DIP2A: variants seen among roughly 807,000 people sequenced by gnomAD.
DIP2A encodes the protein DIP2 acetate--CoA ligase A.
DIP2A carries 85 observed loss-of-function variants against 177.4 expected under a neutral mutation model. That is an observed-to-expected ratio of 0.48 (90% CI 0.40 to 0.57). The LOEUF (loss-of-function observed/expected upper bound fraction) is 0.57. DIP2A is among the 20% of genes least tolerant of loss of function. The probability of loss-of-function intolerance (pLI) is 0.00; values close to 1 mark genes in which losing one functional copy is unlikely to be tolerated. For missense variants in DIP2A, 1,791 were observed against 2,100.2 expected, an observed-to-expected ratio of 0.85 and a Z score of 2.88; for synonymous variants, 886 against 881.8, an observed-to-expected ratio of 1.00 and a Z score of -0.08.
At chr21:46,466,511 G>A (rs929467304) in intron 1 of DIP2A, among the ~76,000 whole-genome samples, 1 of 151,846 alleles carries the variant, frequency 6.6e-6, no homozygotes, top group African/African-American at 2.4e-5. Context: ...ACCATGCCTG[G>A]CTAATTTTTG....
intron 9 of DIP2A, among the ~76,000 whole-genome samples, chr21:46,530,396 G>A (rs1024361386): frequency 3.3e-5 from 5 of 152,170 alleles, no homozygotes; most frequent in African/African-American, 1.2e-4. Context: ...AAAGAAAAGG[G>A]AAGGGAAGAG....
At chr21:46,504,222 A>G (rs947029349) in intron 5 of DIP2A, 139 bp from the exon 6 acceptor site, 1 of 1,240,790 alleles carries the variant, frequency 8.1e-7, no homozygotes, top group Non-Finnish European at 1.1e-6. Context: ...CAGCCAAGAA[A>G]ACAAATTAAT....
chr21:46,501,340 T>A (rs1342720828), intron 5 of DIP2A, among the ~76,000 whole-genome samples: 1 of 152,192 alleles, frequency 6.6e-6, no homozygotes, highest in Admixed American at 6.5e-5. Context: ...GCAGTACTTT[T>A]AATTATAGTA....
At chr21:46,509,944 C>T (rs1405463094) in intron 7 of DIP2A, among the ~76,000 whole-genome samples, 3 of 152,168 alleles carry the variant, frequency 2.0e-5, no homozygotes, top group Non-Finnish European at 4.4e-5. Flanking sequence ...CCCAGAGTCT[C>T]CTCCACACCC....
chr21:46,487,001 G>A (rs1193260430), intron 2 of DIP2A, among the ~76,000 whole-genome samples: 3 of 152,112 alleles, frequency 2.0e-5, no homozygotes, highest in South Asian at 2.1e-4. Context: ...ACGCCAAACC[G>A]ATCTGTTAAT....
rs1260685078 is a variant in DIP2A at position 46,459,197 on chromosome 21, TGAGCTG to T, written c.79_84del (p.Glu27_Leu28del). The T allele has an allele frequency of 2.0e-6, 3 of 1,525,780 alleles. No homozygotes were observed. Among genetic ancestry groups the T allele is most frequent in the South Asian group, 1.2e-5 (1 of 82,234 alleles). 94.5% of individuals were successfully genotyped at this position (1,525,780 alleles called of 1,614,324 possible). The stretch of plus-strand genomic sequence containing the variant: ...CTGCCGAGGTGCGGGAGAGCCTGGC[TGAGCTG>T]GAGCTGGAGCTGTCGGAAGGTGAGC... On this transcript the variant is annotated inframe_deletion, in exon 1 of 38. Coordinates refer to ENST00000417564, the MANE Select transcript of DIP2A (RefSeq NM_015151.4).
chr21:46,516,060 T>G (rs2058560122), intron 8 of DIP2A, among the ~76,000 whole-genome samples: 1 of 152,168 alleles, frequency 6.6e-6, no homozygotes, highest in South Asian at 2.1e-4. Context: ...AAGATATTGT[T>G]TATAGGCTTT....
chr21:46,490,654 C>T lies in DIP2A; in HGVS notation c.218C>T (p.Thr73Met), dbSNP rs776355835. ...AGAATTCCTGGGCCCTCACAAACCA[C>T]GGCCGCTGCACCCAAGCAGCAGAAG... ...ENRIPGPSQTTAAAPKQQKSR... is the reference protein window; with the variant it reads ...ENRIPGPSQTMAAAPKQQKSR... The change falls in exon 3 of 38, where the codon ACG becomes ATG. Residue 73 changes from threonine (T) to methionine (M), a missense_variant. Coordinates refer to ENST00000417564, the MANE Select transcript of DIP2A (RefSeq NM_015151.4). 15 of 1,589,156 alleles carry T rather than the reference C, an allele frequency of 9.4e-6. No homozygotes were observed. The highest frequency in any genetic ancestry group is 2.3e-5 in the East Asian group (1 of 43,744).
rs1333958107 is a variant in DIP2A, at chr21:46,563,896, G to A, written c.4128G>A (p.Glu1376=). ...PGVKVIIAHT[E]TKGPLGDSHL... ...TGAAGGTCATCATCGCACACACCGA[G>A]ACCAAAGGACCCTTGGGAGACTCAC... Residue 1376 remains glutamate (E), a synonymous_variant, in exon 35 of 38, where the codon GAG becomes GAA. Transcript: ENST00000417564. The surrounding 1 kb of genome is among the most constrained non-coding windows in gnomAD (Gnocchi z 4.3). The A allele has an allele frequency of 1.9e-6, 3 of 1,613,542 alleles. No individual in the cohort carries two copies. Among genetic ancestry groups the A allele is most frequent in the African/African-American group, 1.3e-5 (1 of 74,866 alleles).
Position 46,563,802 on chromosome 21 carries a change from A to G in DIP2A, c.4090-56A>G. On this transcript the variant is annotated intron_variant, in intron 34 of 37. Transcript: ENST00000417564. This position sits in a 1 kb window ranked among gnomAD's most constrained non-coding sequence, Gnocchi z 4.3. ...GACGTTATTTTAATGTCACTGAATCAAGAGAGTCTCGTGTCATGTTTTCTT... is the reference window on the plus strand; with the variant it reads ...GACGTTATTTTAATGTCACTGAATCGAGAGAGTCTCGTGTCATGTTTTCTT... The G allele has an allele frequency of 6.3e-7, 1 of 1,597,300 alleles. No homozygotes were observed. The highest frequency in any genetic ancestry group is 1.1e-5 in the South Asian group (1 of 87,906).
rs563651470 is a variant in DIP2A at position 46,486,299 on chromosome 21, G to A, written c.163+1471G>A. On this transcript the variant is annotated intron_variant, in intron 2 of 37. Coordinates refer to ENST00000417564, the MANE Select transcript of DIP2A (RefSeq NM_015151.4). ...AGCTCACTGCAGTCTCAAACTCCTG[G>A]GTTTGAGCAGTCCTCTCACTTCAGC... Among the ~76,000 whole-genome samples the A allele has an allele frequency of 2.6e-4, 39 of 152,176 alleles. 1 individual carries two copies. In the South Asian group the frequency reaches 7.9e-3, roughly 31 times the overall value.
chr21:46,541,663 T>G (rs1746565735), intron 17 of DIP2A, 93 bp from the exon 18 acceptor site: 7 of 1,457,944 alleles, frequency 4.8e-6, no homozygotes, highest in Non-Finnish European at 6.7e-6. Flanking sequence ...AGCAGTGGCT[T>G]TGGTGCAGAA....
chr21:46,503,622 TTCTTTC>T (rs1402229964), intron 5 of DIP2A, among the ~76,000 whole-genome samples: 1 of 139,726 alleles, frequency 7.2e-6, no homozygotes, highest in Non-Finnish European at 1.5e-5. Flanking sequence ...CTTTCTTTCT[TTCTTTC>T]TTTCTTTCCT....
chr21:46,550,909 C>T (rs900211454), intron 23 of DIP2A, among the ~76,000 whole-genome samples, 165 bp downstream of exon 23: 4 of 152,222 alleles, frequency 2.6e-5, no homozygotes, highest in African/African-American at 7.2e-5. Flanking sequence ...TGCCACCTCC[C>T]GCCTTCCTGG....
Position 46,511,412 on chromosome 21 carries a change from T to C in DIP2A, c.905-5T>C, listed in dbSNP as rs369303609. Reference sequence around the variant, plus strand: ...CTGATTTTAAAGTTTTGATTTTGCTTGTAGTTCAGCAACCAGATCCAAATC... The same window carrying C: ...CTGATTTTAAAGTTTTGATTTTGCTCGTAGTTCAGCAACCAGATCCAAATC... On this transcript the variant is annotated splice_polypyrimidine_tract_variant and splice_region_variant and intron_variant, in intron 7 of 37. Coordinates refer to ENST00000417564, the MANE Select transcript of DIP2A (RefSeq NM_015151.4). 5.6e-6 allele frequency: 9 copies of C among 1,604,114 alleles called. No homozygotes were observed. The African/African-American group carries it at 1.2e-4, about 21-fold the overall frequency.
At chr21:46,509,686 G>A (rs2062021279) in intron 7 of DIP2A, among the ~76,000 whole-genome samples, 1 of 152,006 alleles carries the variant, frequency 6.6e-6, no homozygotes, top group African/African-American at 2.4e-5. Flanking sequence ...CCTTCTTGTG[G>A]TTTTAAAGTA....
intron 28 of DIP2A, 88 bp downstream of exon 28, chr21:46,555,021 C>T (rs1442231117): frequency 2.1e-5 from 28 of 1,358,428 alleles, no homozygotes; most frequent in East Asian, 2.0e-4. Context: ...CAAAAACACA[C>T]GTGAGGCAAG....
rs1261291385 is a variant in DIP2A, at chr21:46,539,908, C to T, written c.1953C>T (p.Asn651=). ...WSISSCDAFL[N]VFQSRGLRPE... The stretch of plus-strand genomic sequence containing the variant: ...TCTCCTCCTGTGACGCCTTCCTCAA[C>T]GTCTTCCAGTCCAGAGGTCTGAGGC... Residue 651 remains asparagine, a synonymous_variant, in exon 17 of 38, where the codon AAC becomes AAT. Transcript: ENST00000417564. The T allele has an allele frequency of 6.8e-6, 11 of 1,614,032 alleles. No individual in the cohort carries two copies. The highest frequency in any genetic ancestry group is 1.1e-5 in the South Asian group (1 of 91,090).
intron 3 of DIP2A, among the ~76,000 whole-genome samples, chr21:46,493,669 T>C (rs1472402116): frequency 6.6e-6 from 1 of 152,230 alleles, no homozygotes; most frequent in East Asian, 1.9e-4. Context: ...TGGAAGCTTT[T>C]AGAATTGTTC....
Sources: allele counts gnomAD v4.1 joint callset (sites outside exome capture counted in the v4.1 genomes callset), GRCh38; gene constraint gnomAD v4.1.1; non-coding constraint Gnocchi (gnomAD v3.1); transcripts MANE v1.5; gene names NCBI Gene and HGNC (gene_info 2026-07-23, HGNC 2026-07-21).